Variants in M1AP observed in about 807,000 individuals in gnomAD.
M1AP encodes the protein meiosis 1 arrest protein.
In M1AP, 39 loss-of-function variants were observed where a neutral mutation model predicts 51.2. The observed-to-expected ratio is 0.76, with a 90% CI of 0.59 to 1.00. M1AP has a LOEUF of 1.00. Among genes scored for constraint, M1AP ranks in the 50% least tolerant of loss-of-function variants. The pLI, the probability that M1AP is intolerant of heterozygous loss-of-function variation, is 0.00. For missense variants in M1AP, 545 were observed against 641.2 expected (o/e 0.85, Z 1.62); for synonymous variants, 251 against 249.2 (o/e 1.01, Z -0.07).
At chr2:74,579,410 C>T (rs550186192) in intron 5 of M1AP, among the ~76,000 whole-genome samples, 12 of 152,286 alleles carry the variant, frequency 7.9e-5, no homozygotes, top group Non-Finnish European at 1.5e-4. Flanking sequence ...GGTTTATTGA[C>T]ATTGTCTGGG....
At chr2:74,611,882 G>GTTTTTTTTTTTTTTTTTT (rs1188013311) in intron 3 of M1AP, among the ~76,000 whole-genome samples, 1 of 42,912 alleles carries the variant, frequency 2.3e-5, no homozygotes, top group Non-Finnish European at 3.8e-5. Context: ...ACAAAAAAGT[G>GTTTTTTTTTTTTTTTTTT]TTTTTTTTTT....
At position 74,617,655 on chromosome 2, in the gene M1AP, G is replaced by A. The variant is rs114096609; in HGVS notation, c.241-2506C>T. 2.9e-3 allele frequency among the ~76,000 whole-genome samples: 435 copies of A among 152,248 alleles called. 1 individual carries two copies. Among genetic ancestry groups the A allele is most frequent in the African/African-American group, 9.8e-3 (406 of 41,548 alleles). ...CAAGTTTACTTATGTACCTGCACAT[G>A]CACCCTTGAACTTAAAATAAAAGTT... On this transcript the variant is annotated intron_variant, in intron 2 of 10. Transcript: ENST00000421985.
intron 4 of M1AP, among the ~76,000 whole-genome samples, chr2:74,601,968 C>T (rs1680703590): frequency 6.6e-6 from 1 of 152,126 alleles, no homozygotes; most frequent in South Asian, 2.1e-4. Flanking sequence ...AATGAATCTG[C>T]AATATCAACA....
chr2:74,620,504 A>G (rs1404939454), intron 2 of M1AP, among the ~76,000 whole-genome samples: 1 of 152,180 alleles, frequency 6.6e-6, no homozygotes, highest in East Asian at 1.9e-4. Flanking sequence ...CATTCATTGG[A>G]GAATGTGACT....
chr2:74,561,215 AGAAGGAGGAGGAGGAGAAGG>A (rs1558643886), intron 8 of M1AP, among the ~76,000 whole-genome samples: 224 of 134,204 alleles, frequency 1.7e-3, no homozygotes, highest in African/African-American at 6.4e-3. Flanking sequence ...GAGGAGGAGG[AGAAGGAGGAGGAGGAGAAGG>A]AGGAGGAGGA....
chr2:74,621,735 G>C (rs909038658), intron 2 of M1AP, among the ~76,000 whole-genome samples: 2 of 152,026 alleles, frequency 1.3e-5, no homozygotes, highest in African/African-American at 4.8e-5. Flanking sequence ...AGAGCTTGCA[G>C]TGAGCCGAGA....
chr2:74,630,539 GTTCTCATTGTTC>G (rs1682644784), intron 2 of M1AP, among the ~76,000 whole-genome samples: 1 of 152,076 alleles, frequency 6.6e-6, no homozygotes. Context: ...GTGTCCATGT[GTTCTCATTGTTC>G]AGCTCCCACT....
Position 74,593,459 on chromosome 2 carries a change from C to A in M1AP, c.596-11612G>T, listed in dbSNP as rs945932936. On this transcript the variant is annotated intron_variant, in intron 4 of 10. Coordinates refer to ENST00000421985, the MANE Select transcript of M1AP (RefSeq NM_001321739.2). ...ACAGTGGTGCAATCTTGGCTCAGTG[C>A]AACTTCTACCTTCCAGACTCAAGTG... Among the ~76,000 whole-genome samples, 3 of 152,200 alleles carry A rather than the reference C, an allele frequency of 2.0e-5. 1 individual carries two copies. The highest frequency in any genetic ancestry group is 4.4e-5 in the Non-Finnish European group (3 of 68,042).
At position 74,607,213 on chromosome 2, in the gene M1AP, A is replaced by G. The variant is rs1233937726; in HGVS notation, c.437T>C (p.Leu146Pro). The change falls in exon 4 of 11, where the codon CTG (leucine) becomes CCG (proline). Residue 146 changes from leucine (L) to proline (P), a missense_variant. Transcript: ENST00000421985. The stretch of plus-strand genomic sequence containing the variant: ...CACCTCTTTTCCAGGCTGAGAAGTC[A>G]GAATAGTAATCTGAAAATAAATCCA... Reference protein sequence around the residue: ...LTYTSLEITILTSQPGKEVVK... With the variant: ...LTYTSLEITIPTSQPGKEVVK... The G allele has an allele frequency of 6.2e-7, 1 of 1,614,038 alleles. No individual in the cohort carries two copies. The highest frequency in any genetic ancestry group is 8.5e-7 in the Non-Finnish European group (1 of 1,179,916).
At chr2:74,586,027 C>T (rs1679685049) in intron 4 of M1AP, among the ~76,000 whole-genome samples, 1 of 152,218 alleles carries the variant, frequency 6.6e-6, no homozygotes, top group African/African-American at 2.4e-5. Flanking sequence ...AAGTACCCTA[C>T]CCTTCCCTTC....
chr2:74,565,601 G>A (rs2104522478), intron 7 of M1AP, among the ~76,000 whole-genome samples: 1 of 152,104 alleles, frequency 6.6e-6, no homozygotes, highest in African/African-American at 2.4e-5. Flanking sequence ...GGCCGAGGTG[G>A]GTGGATCACA....
intron 3 of M1AP, among the ~76,000 whole-genome samples, chr2:74,607,932 AT>A (rs77341617): frequency 6.6e-6 from 1 of 152,086 alleles, no homozygotes; most frequent in Non-Finnish European, 1.5e-5. Flanking sequence ...AAAAGACATT[AT>A]TTTTTAGGGA....
chr2:74,647,983 G>A, intron 1 of M1AP: 1 of 983,310 alleles, frequency 1.0e-6, no homozygotes, highest in Non-Finnish European at 1.2e-6. Context: ...CGTGCCTGGC[G>A]GATCAGCAGC....
At chr2:74,596,217 A>G (rs960245914) in intron 4 of M1AP, among the ~76,000 whole-genome samples, 3 of 152,228 alleles carry the variant, frequency 2.0e-5, no homozygotes, top group South Asian at 2.1e-4. Context: ...TATGCTGTCT[A>G]TAAGAGAGAG....
chr2:74,648,266 T>C lies in M1AP; in HGVS notation c.-54A>G, dbSNP rs552633470. The C allele has an allele frequency of 2.1e-4, 203 of 985,140 alleles. No individual in the cohort carries two copies. The African/African-American group carries it at 3.3e-3, about 16-fold the overall frequency. The allele number at this position is 985,140 out of a possible 1,614,324, so 61.0% of individuals were successfully genotyped here. A position where few individuals can be genotyped will look rare whatever the true frequency, so the allele number is the denominator to read the frequency against. On this transcript the variant is annotated splice_region_variant and 5_prime_UTR_variant, in exon 1 of 11. Transcript: ENST00000421985. ...TCCCCGAGGCGTGGAGAACCGTACC[T>C]GTCTTCGGAAGACGGAGGCCCCCTC...
At chr2:74,627,678 A>G (rs1329324468) in intron 2 of M1AP, among the ~76,000 whole-genome samples, 1 of 152,154 alleles carries the variant, frequency 6.6e-6, no homozygotes, top group African/African-American at 2.4e-5. Context: ...AACATAAACT[A>G]TGATGATTCC....
chr2:74,572,008 A>AG (rs1210178353), intron 7 of M1AP, among the ~76,000 whole-genome samples: 12 of 152,092 alleles, frequency 7.9e-5, no homozygotes, highest in Non-Finnish European at 4.4e-5. Context: ...AAAAAAAAAA[A>AG]AAAAAAGAAA....
At position 74,576,523 on chromosome 2, in the gene M1AP, C is replaced by T. The variant is rs753905899; in HGVS notation, c.865G>A (p.Asp289Asn). Residue 289 changes from aspartate (D) to asparagine (N), a missense_variant, in exon 6 of 11, where the codon GAC becomes AAC. Coordinates refer to ENST00000421985, the MANE Select transcript of M1AP (RefSeq NM_001321739.2). ...GSLRMDDPKG[D>N]FITLYQMASQ... ...GCCATCTGGTAGAGTGTGATGAAGT[C>T]TCCTTTAGGGTCATCCATTCTCAAG... 3.7e-6 allele frequency: 6 copies of T among 1,613,970 alleles called. No individual in the cohort carries two copies. The African/African-American group carries it at 8.0e-5, about 22-fold the overall frequency.
intron 1 of M1AP, among the ~76,000 whole-genome samples, chr2:74,645,088 C>G (rs552414073): frequency 5.2e-4 from 79 of 152,214 alleles, no homozygotes; most frequent in African/African-American, 1.8e-3. Context: ...TAATACTCAC[C>G]GTGAAGGTCT....
Sources: gnomAD v4.1 joint callset for allele counts (sites outside exome capture counted in the v4.1 genomes callset) on GRCh38, gnomAD v4.1.1 for gene constraint, MANE v1.5 for transcripts, NCBI Gene and HGNC (gene_info 2026-07-23, HGNC 2026-07-21) for gene names.